RALGAPA1: variants seen among roughly 807,000 people sequenced by gnomAD.
RALGAPA1 encodes ral GTPase-activating protein subunit alpha-1.
A neutral mutation model predicts 269.6 loss-of-function variants in RALGAPA1; 52 were observed. That is an observed-to-expected ratio of 0.19 (90% CI 0.15 to 0.24). The LOEUF (loss-of-function observed/expected upper bound fraction) is 0.24. Among genes scored for constraint, RALGAPA1 ranks in the 10% least tolerant of loss-of-function variants. RALGAPA1 has a pLI of 1.00. For missense variants in RALGAPA1, 1,917 were observed against 3,013.9 expected (o/e 0.64, Z 8.52); for synonymous variants, 817 against 1,008.3 (o/e 0.81, Z 3.60).
At chr14:35,702,279 A>T (rs1356424330) in intron 16 of RALGAPA1, among the ~76,000 whole-genome samples, 1 of 152,230 alleles carries the variant, frequency 6.6e-6, no homozygotes, top group Non-Finnish European at 1.5e-5. Context: ...CAAAAACTAA[A>T]TGCATTTCAT....
chr14:35,563,652 A>C (rs1359194625), intron 39 of RALGAPA1, among the ~76,000 whole-genome samples: 2 of 152,234 alleles, frequency 1.3e-5, no homozygotes, highest in Non-Finnish European at 2.9e-5. Flanking sequence ...CAATGGGCTT[A>C]CATTCCAAAA....
intron 7 of RALGAPA1, 147 bp from the exon 8 acceptor site, chr14:35,752,309 C>A: frequency 1.0e-6 from 1 of 959,574 alleles, no homozygotes; most frequent in Non-Finnish European, 1.4e-6. Flanking sequence ...AAGGACAAAT[C>A]TTTTAAATTG....
At chr14:35,545,496 C>T (rs184317620) in intron 41 of RALGAPA1, among the ~76,000 whole-genome samples, 1 of 151,042 alleles carries the variant, frequency 6.6e-6, no homozygotes, top group East Asian at 1.9e-4. Context: ...AAATAGGAAC[C>T]CCTATATTCT....
intron 31 of RALGAPA1, among the ~76,000 whole-genome samples, chr14:35,647,241 A>C (rs1594958662): frequency 6.6e-6 from 1 of 152,202 alleles, no homozygotes; most frequent in Admixed American, 6.5e-5. Flanking sequence ...TCACTATATA[A>C]ATGTTCTTTT....
At chr14:35,651,615 C>A (rs1269925797) in intron 31 of RALGAPA1, among the ~76,000 whole-genome samples, 190 bp downstream of exon 31, 1 of 152,078 alleles carries the variant, frequency 6.6e-6, no homozygotes, top group Non-Finnish European at 1.5e-5. Flanking sequence ...AAGATTTTAT[C>A]AAATGGCAAT....
In RALGAPA1 at chr14:35,748,749, G is replaced by A. The variant is rs766499777; in HGVS notation, c.1087C>T (p.Pro363Ser). ...NADKTDRTTEPEQSHSNTSTL... is the reference protein window; with the variant it reads ...NADKTDRTTESEQSHSNTSTL... ...CTTGTATTGGAATGAGACTGTTCGG[G>A]TTCTGTAGTTCTGTCTGTTTTATCA... Residue 363 changes from proline to serine, a missense_variant, in exon 10 of 42, where the codon CCC becomes TCC. Physicochemically the swap from Pro to Ser is moderately conservative, Grantham distance 74 (BLOSUM62 -1). This residue lies in a region of RALGAPA1 where 462 missense variants were observed against 725.6 expected (regional missense o/e 0.64). Transcript: ENST00000680220. 3 of 1,610,000 alleles carry A rather than the reference G, an allele frequency of 1.9e-6. No individual in the cohort carries two copies. Among genetic ancestry groups the A allele is most frequent in the Non-Finnish European group, 2.5e-6 (3 of 1,179,226 alleles).
intron 4 of RALGAPA1, among the ~76,000 whole-genome samples, chr14:35,768,799 G>A (rs1432106194): frequency 6.6e-6 from 1 of 151,380 alleles, no homozygotes; most frequent in African/African-American, 2.4e-5. Flanking sequence ...ACCCGAGGTC[G>A]GGAGTTCATG....
intron 28 of RALGAPA1, among the ~76,000 whole-genome samples, chr14:35,657,714 A>T (rs2063288156): frequency 6.6e-6 from 1 of 150,854 alleles, no homozygotes; most frequent in Admixed American, 6.6e-5. Context: ...TGGTAAAAAA[A>T]AGCAAAAGAT....
chr14:35,617,337 G>A (rs1441063907), intron 35 of RALGAPA1, among the ~76,000 whole-genome samples: 1 of 151,764 alleles, frequency 6.6e-6, no homozygotes, highest in Admixed American at 6.6e-5. Context: ...CAAAAATTAG[G>A]CTGGGCACAG....
chr14:35,781,855 C>T (rs904575313), intron 1 of RALGAPA1, among the ~76,000 whole-genome samples: 4 of 152,086 alleles, frequency 2.6e-5, no homozygotes, highest in Non-Finnish European at 4.4e-5. Flanking sequence ...ATCTATGAAA[C>T]GGTCACAACT....
intron 39 of RALGAPA1, among the ~76,000 whole-genome samples, chr14:35,569,460 C>A (rs2056988616): frequency 6.6e-6 from 1 of 152,108 alleles, no homozygotes; most frequent in Admixed American, 6.5e-5. Flanking sequence ...GTCATAACAC[C>A]ATGAGCTAGA....
At chr14:35,796,302 GA>G (rs1263920420) in intron 1 of RALGAPA1, among the ~76,000 whole-genome samples, 7 of 152,120 alleles carry the variant, frequency 4.6e-5, no homozygotes, top group Non-Finnish European at 8.8e-5. Context: ...TAGTGAACTT[GA>G]AGACATAGCA....
At chr14:35,562,811 G>A (rs1035874241) in intron 39 of RALGAPA1, among the ~76,000 whole-genome samples, 1 of 151,740 alleles carries the variant, frequency 6.6e-6, no homozygotes, top group Non-Finnish European at 1.5e-5. Context: ...CACGAGTTCA[G>A]GAGATCGAGA....
At chr14:35,579,485 G>A (rs1194187807) in intron 37 of RALGAPA1, among the ~76,000 whole-genome samples, 1 of 151,756 alleles carries the variant, frequency 6.6e-6, no homozygotes, top group Non-Finnish European at 1.5e-5. Flanking sequence ...GTGCACGCCT[G>A]TAGTCCCAGC....
intron 21 of RALGAPA1, chr14:35,683,435 A>G (rs2065637428): frequency 6.4e-6 from 1 of 155,528 alleles, no homozygotes; most frequent in African/African-American, 2.4e-5. Flanking sequence ...TGAATGACAA[A>G]GACAGTCCAC....
At chr14:35,736,538 T>A (rs1275047894) in intron 12 of RALGAPA1, among the ~76,000 whole-genome samples, 3 of 152,040 alleles carry the variant, frequency 2.0e-5, no homozygotes, top group Non-Finnish European at 4.4e-5. Flanking sequence ...AAGAATCTGT[T>A]TTAAGAAGTG....
chr14:35,692,572 A>G (rs1411128891), intron 17 of RALGAPA1, among the ~76,000 whole-genome samples: 3 of 144,370 alleles, frequency 2.1e-5, no homozygotes, highest in African/African-American at 5.2e-5. Flanking sequence ...AAAGAGCTTT[A>G]AAAAAAAAAA....
chr14:35,761,094 A>C (rs1567175518), intron 5 of RALGAPA1, 88 bp from the exon 6 acceptor site: 2 of 919,992 alleles, frequency 2.2e-6, no homozygotes, highest in Non-Finnish European at 3.2e-6. Flanking sequence ...GATGATGACA[A>C]CAGAATGATA....
chr14:35,698,028 A>G (rs533985554), intron 17 of RALGAPA1, among the ~76,000 whole-genome samples: 2 of 152,332 alleles, frequency 1.3e-5, no homozygotes, highest in South Asian at 4.1e-4. Context: ...TTTTCCATAT[A>G]ATCCATGTTT....
Sources: allele counts gnomAD v4.1 joint callset (sites outside exome capture counted in the v4.1 genomes callset), GRCh38; gene constraint gnomAD v4.1.1; regional missense constraint gnomAD v4.1.1; transcripts MANE v1.5; gene names NCBI Gene and HGNC (gene_info 2026-07-23, HGNC 2026-07-21).